Variants in BCAS3 observed in about 807,000 individuals in gnomAD.
The protein encoded by BCAS3 is BCAS3 microtubule associated cell migration factor, also known as BCAS4/BCAS3 fusion.
In BCAS3, 53 loss-of-function variants were observed where a neutral mutation model predicts 116.1. The observed-to-expected ratio is 0.46, with a 90% confidence interval of 0.37 to 0.57. The LOEUF (loss-of-function observed/expected upper bound fraction) is 0.57, where lower values mean the gene tolerates loss of function less well. Ranked by LOEUF, BCAS3 falls within the 20% of genes least tolerant of loss-of-function variation. The pLI is 0.00. For missense variants in BCAS3, 917 were observed against 1,165.4 expected (o/e 0.79, Z 3.10); for synonymous variants, 391 against 408.2 (o/e 0.96, Z 0.51).
intron 22 of BCAS3, among the ~76,000 whole-genome samples, chr17:61,096,680 C>G (rs73324865): frequency 0.1 from 15,318 of 152,216 alleles, 2,325 homozygotes; most frequent in African/African-American, 0.33. Context: ...GGTTTTATTT[C>G]TTTTTAATCT....
chr17:61,138,316 C>T (rs1248419456), intron 22 of BCAS3, among the ~76,000 whole-genome samples: 1 of 152,190 alleles, frequency 6.6e-6, no homozygotes, highest in African/African-American at 2.4e-5. Context: ...AAACCACAAA[C>T]TTAAGTTTAT....
intron 5 of BCAS3, among the ~76,000 whole-genome samples, chr17:60,719,045 G>C (rs150501259): frequency 2.0e-5 from 3 of 152,224 alleles, no homozygotes; most frequent in African/African-American, 7.2e-5. Context: ...CTGGGCGACA[G>C]AGCGAGGCTC....
chr17:61,185,430 G>C (rs534726449), intron 22 of BCAS3, among the ~76,000 whole-genome samples: 11 of 152,184 alleles, frequency 7.2e-5, no homozygotes, highest in African/African-American at 2.6e-4. Context: ...CTAGTCTAAT[G>C]GTTTAAATAC....
chr17:61,191,774 CA>C (rs753462944), intron 22 of BCAS3, among the ~76,000 whole-genome samples: 22 of 73,464 alleles, frequency 3.0e-4, no homozygotes, highest in South Asian at 1.7e-3. Flanking sequence ...GACTCCGTCT[CA>C]AAAAAAAAAG....
At chr17:61,330,120 T>A (rs1409803266) in intron 22 of BCAS3, among the ~76,000 whole-genome samples, 1 of 152,212 alleles carries the variant, frequency 6.6e-6, no homozygotes, top group African/African-American at 2.4e-5. Context: ...GAAGATGGTC[T>A]CTGAAATTTC....
At position 61,143,138 on chromosome 17, in the gene BCAS3, C is replaced by T. The variant is rs1194506148; in HGVS notation, c.2425+58574C>T. ...CTAATTTTTCTTATGAGTAAGTTCTCTTTGACTTTATTTTTGAACTCAACT... is the reference window on the plus strand; with the variant it reads ...CTAATTTTTCTTATGAGTAAGTTCTTTTTGACTTTATTTTTGAACTCAACT... On this transcript the variant is annotated intron_variant, in intron 22 of 23. Coordinates refer to ENST00000407086, the MANE Select transcript of BCAS3 (RefSeq NM_017679.5). Among the ~76,000 whole-genome samples the T allele has an allele frequency of 2.0e-5, 3 of 152,074 alleles. No homozygotes were observed. In the East Asian group the frequency reaches 5.8e-4, roughly 29 times the overall value.
intron 22 of BCAS3, among the ~76,000 whole-genome samples, chr17:61,125,307 T>G (rs2075994016): frequency 6.6e-6 from 1 of 152,194 alleles, no homozygotes; most frequent in African/African-American, 2.4e-5. Flanking sequence ...AAGTGTAACA[T>G]TCATCAGCCT....
At chr17:61,158,794 T>G (rs8075455) in intron 22 of BCAS3, among the ~76,000 whole-genome samples, 110,390 of 152,116 alleles carry the variant, frequency 0.73, 41,215 homozygotes, top group South Asian at 0.89. Context: ...ATAAAGGTCT[T>G]TAAAGATACT....
intron 11 of BCAS3, among the ~76,000 whole-genome samples, chr17:60,905,206 A>G (rs2058124893): frequency 6.6e-6 from 1 of 152,198 alleles, no homozygotes; most frequent in African/African-American, 2.4e-5. Flanking sequence ...CTGTGTCACA[A>G]TCCACTTGGG....
At chr17:61,090,679 A>T (rs756613997) in intron 22 of BCAS3, among the ~76,000 whole-genome samples, 1 of 151,766 alleles carries the variant, frequency 6.6e-6, no homozygotes, top group Non-Finnish European at 1.5e-5. Context: ...TTTTTTTGAG[A>T]TGGAGTCTCA....
intron 6 of BCAS3, among the ~76,000 whole-genome samples, chr17:60,783,457 G>C (rs919053145): frequency 5.9e-5 from 9 of 152,070 alleles, no homozygotes; most frequent in Admixed American, 5.9e-4. Context: ...TGCCTGCCTT[G>C]GGCTCCCAAA....
intron 10 of BCAS3, among the ~76,000 whole-genome samples, chr17:60,891,151 G>A (rs773823689): frequency 1.9e-4 from 29 of 152,104 alleles, no homozygotes; most frequent in Admixed American, 1.8e-3. Context: ...TGACACAATG[G>A]TATCTTCTAA....
Position 60,910,550 on chromosome 17 carries a change from A to C in BCAS3, c.841A>C (p.Thr281Pro). ...TGTACAGACATTGAAAAGTGGCCTG[A>C]CAATGGTAGGGAAAGTGGTGACTCA... The part of the protein sequence containing the change: ...SAAKTLKSGL[T>P]MVGKVVTQLT... The change falls in exon 12 of 24, where the codon ACA becomes CCA. Residue 281 changes from threonine to proline, a missense_variant. By Grantham distance (38) the Thr-to-Pro change is conservative. Coordinates refer to ENST00000407086, the MANE Select transcript of BCAS3 (RefSeq NM_017679.5). 1 of 1,606,870 alleles carries C rather than the reference A, an allele frequency of 6.2e-7. No individual in the cohort carries two copies. Among genetic ancestry groups the C allele is most frequent in the Non-Finnish European group, 8.5e-7 (1 of 1,176,852 alleles).
At chr17:61,170,820 C>T (rs752340813) in intron 22 of BCAS3, among the ~76,000 whole-genome samples, 48 of 151,888 alleles carry the variant, frequency 3.2e-4, no homozygotes, top group Non-Finnish European at 6.3e-4. Context: ...GCAGAGTCCC[C>T]GAGAGGAAAG....
intron 4 of BCAS3, among the ~76,000 whole-genome samples, chr17:60,693,422 T>A (rs1250469388): frequency 1.3e-5 from 2 of 151,812 alleles, no homozygotes; most frequent in African/African-American, 2.4e-5. Flanking sequence ...TTTGTATTTT[T>A]TTTTTTGACA....
rs369694680 is a variant in BCAS3, at chr17:61,017,827, G to A, written c.1637+1926G>A. Reference sequence around the variant, plus strand: ...TCTCTCTCTCTCCCTCTTACAACCCGATTTCTCTCTACACTGAGATGAATA... The same window carrying A: ...TCTCTCTCTCTCCCTCTTACAACCCAATTTCTCTCTACACTGAGATGAATA... On this transcript the variant is annotated intron_variant, in intron 16 of 23. Transcript: ENST00000407086. The surrounding 1 kb of genome is among the most constrained non-coding windows in gnomAD (Gnocchi z 4.7). Among the ~76,000 whole-genome samples, 3 of 151,828 alleles carry A rather than the reference G, an allele frequency of 2.0e-5. No homozygotes were observed. Among genetic ancestry groups the A allele is most frequent in the Non-Finnish European group, 2.9e-5 (2 of 67,936 alleles).
intron 21 of BCAS3, among the ~76,000 whole-genome samples, 188 bp downstream of exon 21, chr17:61,078,717 G>C (rs112119105): frequency 9.2e-5 from 14 of 152,226 alleles, no homozygotes; most frequent in Middle Eastern, 3.4e-3. Context: ...ATCACATTAC[G>C]TGCAATAAAT....
intron 13 of BCAS3, among the ~76,000 whole-genome samples, chr17:60,929,300 C>G (rs1045924337): frequency 2.0e-5 from 3 of 152,030 alleles, no homozygotes; most frequent in Non-Finnish European, 4.4e-5. Context: ...TGGCACGTGC[C>G]TGTAGTCCCA....
chr17:61,255,951 C>T (rs746362948), intron 22 of BCAS3, among the ~76,000 whole-genome samples: 41 of 152,330 alleles, frequency 2.7e-4, no homozygotes, highest in Non-Finnish European at 4.3e-4. Context: ...ATGGGAAATG[C>T]TGCTCTCTTT....
Sources: gnomAD v4.1 joint callset for allele counts (sites outside exome capture counted in the v4.1 genomes callset) on GRCh38, gnomAD v4.1.1 for gene constraint, Gnocchi (gnomAD v3.1) non-coding constraint, MANE v1.5 for transcripts, NCBI Gene and HGNC (gene_info 2026-07-23, HGNC 2026-07-21) for gene names.